CD1A: variants seen among roughly 807,000 people sequenced by gnomAD.
CD1A encodes T-cell surface glycoprotein CD1a.
CD1A carries 50 observed loss-of-function variants against 38.3 expected under a neutral mutation model. That is an observed-to-expected ratio of 1.30 (90% CI 1.04 to 1.65). The LOEUF is 1.65. Among genes scored for constraint, CD1A ranks in the 40% most tolerant of loss-of-function variants. CD1A has a pLI of 0.00. For missense variants in CD1A, 459 were observed against 406.1 expected (o/e 1.13, Z -1.12); for synonymous variants, 160 against 150.8 (o/e 1.06, Z -0.45).
chr1:158,251,545 A>G (rs562684449), upstream of CD1A, among the ~76,000 whole-genome samples: 25 of 152,310 alleles, frequency 1.6e-4, no homozygotes, highest in African/African-American at 5.5e-4. Context: ...ACCTACCTCC[A>G]TGCTTTCCAT....
In CD1A at chr1:158,256,132, C is replaced by A; in HGVS notation, c.454C>A (p.Pro152Thr). 1.2e-6 allele frequency: 2 copies of A among 1,614,086 alleles called. No individual in the cohort carries two copies. The highest frequency in any genetic ancestry group is 1.7e-6 in the Non-Finnish European group (2 of 1,179,986). ...CCAGAACAATTCATGGTTGCCATAT[C>A]CAGTGGCTGGGAATATGGCCAAGCA... ...SFQNNSWLPYPVAGNMAKHFC... is the reference protein window; with the variant it reads ...SFQNNSWLPYTVAGNMAKHFC... Residue 152 changes from proline to threonine, a missense_variant, in exon 3 of 6, where the codon CCA becomes ACA. Pro to Thr is a conservative substitution (Grantham distance 38). Coordinates refer to ENST00000289429, the MANE Select transcript of CD1A (RefSeq NM_001763.3).
At chr1:158,254,050 T>G (rs1650157753), upstream of CD1A, 1 of 112,642 alleles carries the variant, frequency 8.9e-6, no homozygotes, top group Non-Finnish European at 2.0e-5. Context: ...TTTTTTTTTT[T>G]TTTTTTTTTT....
chr1:158,258,004 C>A lies in CD1A; in HGVS notation c.*314C>A, dbSNP rs149086224. 8.7e-4 allele frequency: 266 copies of A among 304,456 alleles called. 1 individual carries two copies. The highest frequency in any genetic ancestry group is 4.9e-3 in the African/African-American group (226 of 46,544). 18.9% of individuals were successfully genotyped at this position (304,456 alleles called of 1,614,324 possible). A position where few individuals can be genotyped will look rare whatever the true frequency, so the allele number is the denominator to read the frequency against. On this transcript the variant is annotated 3_prime_UTR_variant, in exon 6 of 6. Transcript: ENST00000289429. ...GATCATCAGGCCTGTTTTAGATATC[C>A]CTTACTCCAGAGGGCCTTCCCTGAC... is the stretch of plus-strand genomic sequence containing the variant.
chr1:158,253,552 TC>T (rs1309072940), upstream of CD1A, among the ~76,000 whole-genome samples: 1 of 152,202 alleles, frequency 6.6e-6, no homozygotes, highest in African/African-American at 2.4e-5. Context: ...ATGTTGAATA[TC>T]ACCTCCATAA....
upstream of CD1A, among the ~76,000 whole-genome samples, chr1:158,250,726 G>C (rs959161825): frequency 6.6e-6 from 1 of 152,154 alleles, no homozygotes; most frequent in Non-Finnish European, 1.5e-5. Context: ...GGAAACATTT[G>C]TGTGTGTATG....
upstream of CD1A, among the ~76,000 whole-genome samples, chr1:158,250,090 T>G (rs954942282): frequency 1.3e-5 from 2 of 152,190 alleles, no homozygotes; most frequent in African/African-American, 4.8e-5. Flanking sequence ...TGCCCCCAAA[T>G]CTTATTCTCC....
chr1:158,250,025 G>A (rs764175354), upstream of CD1A, among the ~76,000 whole-genome samples: 4 of 152,246 alleles, frequency 2.6e-5, no homozygotes, highest in Non-Finnish European at 5.9e-5. Flanking sequence ...ACTCTGTGGT[G>A]CAGCCTGGGT....
rs1165730005 is a variant in CD1A, at chr1:158,257,722, C to T, written c.*32C>T. ...CCATGAGCCTCCTCGTCACCCTTCT[C>T]CTTTTGGGGTGAGAGACCAGCAGCC... On this transcript the variant is annotated 3_prime_UTR_variant, in exon 6 of 6. Transcript: ENST00000289429. The T allele has an allele frequency of 2.5e-6, 4 of 1,609,892 alleles. No homozygotes were observed. The highest frequency in any genetic ancestry group is 3.4e-6 in the Non-Finnish European group (4 of 1,176,258).
In CD1A at chr1:158,256,267, C is replaced by G. The variant is rs754128827; in HGVS notation, c.589C>G (p.His197Asp). The change falls in exon 3 of 6, where the codon CAT (histidine) becomes GAT (aspartate). Residue 197 changes from histidine to aspartate, a missense_variant. His to Asp is a moderately conservative substitution (Grantham distance 81). Transcript: ENST00000289429. Reference sequence around the variant, plus strand: ...GGGTCTTCTTGATGCAGGAAAGGCACATCTCCAGCGGCAAGGTCAGTCCTG... The same window carrying G: ...GGGTCTTCTTGATGCAGGAAAGGCAGATCTCCAGCGGCAAGGTCAGTCCTG... The part of the protein sequence containing the change: ...ILGLLDAGKA[H>D]LQRQVKPEAW... 3.1e-6 allele frequency: 5 copies of G among 1,613,654 alleles called. No homozygotes were observed. The African/African-American group carries it at 5.3e-5, about 17-fold the overall frequency.
chr1:158,256,636 C>A, intron 3 of CD1A, 150 bp from the exon 4 acceptor site: 4 of 882,890 alleles, frequency 4.5e-6, no homozygotes, highest in Non-Finnish European at 6.8e-6. Flanking sequence ...ATAATTATGC[C>A]ACTGCATTGC....
chr1:158,257,776 C>G lies in CD1A; in HGVS notation c.*86C>G. ...GGGCTCCAGACACACCTGAACACAT[C>G]GTGATGATGACGTCCTCTCAACTCT... On this transcript the variant is annotated 3_prime_UTR_variant, in exon 6 of 6. Transcript: ENST00000289429. The G allele has an allele frequency of 1.7e-6, 2 of 1,146,956 alleles. No homozygotes were observed. Among genetic ancestry groups the G allele is most frequent in the Non-Finnish European group, 2.6e-6 (2 of 769,514 alleles). 71.0% of individuals were successfully genotyped at this position (1,146,956 alleles called of 1,614,324 possible).
chr1:158,248,467 A>C, the CD1A span: 1 of 953,320 alleles, frequency 1.0e-6, no homozygotes, highest in African/African-American at 1.8e-5. Context: ...CCAATGGTTC[A>C]AGAAAGTGGA....
At chr1:158,251,817 T>C (rs935014449), upstream of CD1A, among the ~76,000 whole-genome samples, 1 of 152,132 alleles carries the variant, frequency 6.6e-6, no homozygotes, top group Non-Finnish European at 1.5e-5. Context: ...ACATATGCCC[T>C]GAGGGCAGCA....
upstream of CD1A, among the ~76,000 whole-genome samples, chr1:158,251,949 C>T (rs752348826): frequency 5.3e-5 from 8 of 151,882 alleles, no homozygotes; most frequent in South Asian, 2.1e-4. Context: ...CTCCGCCTCC[C>T]GGGTTCAAGT....
intron 3 of CD1A, 34 bp downstream of exon 3, chr1:158,256,316 A>G (rs772625812): frequency 3.8e-6 from 6 of 1,587,176 alleles, no homozygotes; most frequent in Non-Finnish European, 5.1e-6. Flanking sequence ...AGAAGTTTTG[A>G]TTTGAAAATC....
Position 158,256,941 on chromosome 1 carries a change from C to T in CD1A, c.760C>T (p.Pro254Ser). The change falls in exon 4 of 6, where the codon CCC (proline) becomes TCC (serine). Residue 254 changes from proline (P) to serine (S), a missense_variant. Transcript: ENST00000289429. ...GGGCACTCAGCGAGGGGACATCTTG[C>T]CCAGTGCTGATGGGACATGGTATCT... ...QQGTQRGDIL[P>S]SADGTWYLRA... 6.2e-7 allele frequency: 1 copy of T among 1,614,168 alleles called. No homozygotes were observed. The highest frequency in any genetic ancestry group is 8.5e-7 in the Non-Finnish European group (1 of 1,180,040).
chr1:158,251,830 G>A (rs1454514483), upstream of CD1A, among the ~76,000 whole-genome samples: 1 of 151,868 alleles, frequency 6.6e-6, no homozygotes, highest in African/African-American at 2.4e-5. Flanking sequence ...GGGCAGCAGG[G>A]CTTTCTGCCC....
At chr1:158,254,397 T>C, upstream of CD1A, 1 of 1,294,840 alleles carries the variant, frequency 7.7e-7, no homozygotes, top group Non-Finnish European at 9.9e-7. Context: ...ACTTGTTCCA[T>C]AGCAGTTGAA....
Position 158,255,082 on chromosome 1 carries a change from A to C in CD1A, c.59-2A>C, listed in dbSNP as rs763962809. On this transcript the variant is annotated splice_acceptor_variant, in intron 1 of 5. Coordinates refer to ENST00000289429, the MANE Select transcript of CD1A (RefSeq NM_001763.3). LOFTEE classifies it high-confidence loss of function. ...CCCATTCTATCTGTTCTTTTGTCGC[A>C]GGGCTCAAGGAGCCTCTCTCCTTCC... The C allele has an allele frequency of 9.9e-6, 16 of 1,612,736 alleles. No homozygotes were observed. The African/African-American group carries it at 1.2e-4, about 12-fold the overall frequency.
Sources: gnomAD v4.1 joint callset for allele counts (sites outside exome capture counted in the v4.1 genomes callset) on GRCh38, gnomAD v4.1.1 for gene constraint, MANE v1.5 for transcripts, NCBI Gene and HGNC (gene_info 2026-07-23, HGNC 2026-07-21) for gene names.